CACNA1C: variants seen among roughly 807,000 people sequenced by gnomAD.
The protein encoded by CACNA1C is calcium voltage-gated channel subunit alpha1 C.
Under a neutral mutation model 229.0 loss-of-function variants are expected in CACNA1C, and 30 were observed. The ratio of observed to expected loss-of-function variants is 0.13; its 90% CI spans 0.10 to 0.18. CACNA1C has a LOEUF of 0.18. Among genes scored for constraint, CACNA1C ranks in the 10% least tolerant of loss-of-function variants. The pLI, the probability that CACNA1C is intolerant of heterozygous loss-of-function variation, is 1.00. For missense variants in CACNA1C, 1,658 were observed against 2,845.0 expected (o/e 0.58, Z 9.49); for synonymous variants, 1,114 against 1,132.5 (o/e 0.98, Z 0.33).
At chr12:2,089,582 G>A (rs1413614291) in intron 1 of CACNA1C, among the ~76,000 whole-genome samples, 1 of 152,212 alleles carries the variant, frequency 6.6e-6, no homozygotes, top group African/African-American at 2.4e-5. Context: ...CCCATCCGGG[G>A]CATGTTATGT....
At chr12:2,041,381 A>G (rs2050071832) in intron 1 of CACNA1C, among the ~76,000 whole-genome samples, 2 of 142,510 alleles carry the variant, frequency 1.4e-5, no homozygotes, top group South Asian at 4.3e-4. Context: ...GGTTCATGCC[A>G]TTCTCCCGCC....
At chr12:2,276,011 A>G (rs114021860) in intron 3 of CACNA1C, among the ~76,000 whole-genome samples, 204 of 152,288 alleles carry the variant, frequency 1.3e-3, no homozygotes, top group African/African-American at 4.7e-3. Flanking sequence ...TTATATGCAC[A>G]TACTACACCA....
chr12:2,323,476 C>T (rs549370040), intron 3 of CACNA1C, among the ~76,000 whole-genome samples: 5 of 152,076 alleles, frequency 3.3e-5, no homozygotes, highest in Non-Finnish European at 7.4e-5. Flanking sequence ...CGGTGAGTGT[C>T]GCCATCAGAA....
At chr12:2,426,802 G>A (rs1458979286) in intron 3 of CACNA1C, among the ~76,000 whole-genome samples, 1 of 152,182 alleles carries the variant, frequency 6.6e-6, no homozygotes. Context: ...TGGCTGGGAT[G>A]TCCTCTTTCC....
At chr12:2,238,417 G>C (rs1566599694) in intron 3 of CACNA1C, among the ~76,000 whole-genome samples, 3 of 152,176 alleles carry the variant, frequency 2.0e-5, no homozygotes, top group Non-Finnish European at 4.4e-5. Flanking sequence ...CTGCAGACTC[G>C]GAAGTTTCTC....
chr12:2,012,243 A>G (rs1008154878), intron 1 of CACNA1C, among the ~76,000 whole-genome samples: 3 of 152,196 alleles, frequency 2.0e-5, no homozygotes, highest in Non-Finnish European at 4.4e-5. Context: ...ATCTACTTCT[A>G]TAATGCTGAG....
At chr12:2,398,828 T>C (rs2154550373) in intron 3 of CACNA1C, among the ~76,000 whole-genome samples, 1 of 152,314 alleles carries the variant, frequency 6.6e-6, no homozygotes, top group Non-Finnish European at 1.5e-5. Context: ...TGACACCTTC[T>C]TACCTGGGGA....
intron 5 of CACNA1C, among the ~76,000 whole-genome samples, chr12:2,461,359 C>T (rs1369873618): frequency 2.0e-5 from 3 of 152,158 alleles, no homozygotes; most frequent in African/African-American, 2.4e-5. Flanking sequence ...GTTTCTTCTT[C>T]TTGGAATCCT....
chr12:2,234,557 G>T (rs573197750), intron 3 of CACNA1C, among the ~76,000 whole-genome samples: 1 of 152,314 alleles, frequency 6.6e-6, no homozygotes, highest in South Asian at 2.1e-4. Context: ...TGGAGCGTTC[G>T]CCCCAGCTTT....
In CACNA1C at chr12:2,504,030, TTCA is replaced by T. The variant is rs2099766278; in HGVS notation, c.1114-810_1114-808del. Among the ~76,000 whole-genome samples, 1 of 152,244 alleles carries T rather than the reference TTCA, an allele frequency of 6.6e-6. No individual in the cohort carries two copies. The highest frequency in any genetic ancestry group is 1.5e-5 in the Non-Finnish European group (1 of 68,042). On this transcript the variant is annotated intron_variant, in intron 7 of 46. Coordinates refer to ENST00000399655, the MANE Select transcript of CACNA1C (RefSeq NM_000719.7). This position sits in a 1 kb window ranked among gnomAD's most constrained non-coding sequence, Gnocchi z 6.8. ...GGCCTGTCAGCAGGAGCTGACGCACTTCATACACCAAGGTCAGGGGCCTCCGGG... is the reference window on the plus strand; with the variant it reads ...GGCCTGTCAGCAGGAGCTGACGCACTTACACCAAGGTCAGGGGCCTCCGGG...
At chr12:2,177,620 C>A (rs2096703701) in intron 3 of CACNA1C, among the ~76,000 whole-genome samples, 1 of 113,610 alleles carries the variant, frequency 8.8e-6, no homozygotes, top group Non-Finnish European at 1.8e-5. Flanking sequence ...TTCCTTCCTT[C>A]CTTCCTTCTC....
chr12:2,503,364 T>A (rs115206514), intron 7 of CACNA1C, among the ~76,000 whole-genome samples: 1 of 152,290 alleles, frequency 6.6e-6, no homozygotes, highest in South Asian at 2.1e-4. Flanking sequence ...CAAAGTTGGG[T>A]GCATTTTTAG....
intron 9 of CACNA1C, among the ~76,000 whole-genome samples, chr12:2,539,055 C>T (rs1317069409): frequency 6.6e-6 from 1 of 152,254 alleles, no homozygotes. Context: ...CTGCCATTTA[C>T]TAGCTCTCCC....
intron 13 of CACNA1C, among the ~76,000 whole-genome samples, chr12:2,577,616 C>T (rs942825572): frequency 1.3e-5 from 2 of 152,230 alleles, no homozygotes; most frequent in African/African-American, 4.8e-5. Flanking sequence ...CTTAAGTGCA[C>T]ACGCACACAA....
At chr12:2,296,212 T>C (rs777473177) in intron 3 of CACNA1C, among the ~76,000 whole-genome samples, 3 of 152,200 alleles carry the variant, frequency 2.0e-5, no homozygotes, top group Non-Finnish European at 4.4e-5. Flanking sequence ...TGATAGTCAC[T>C]CTGTTCTAAT....
chr12:2,683,034 A>G (rs1310900695), intron 43 of CACNA1C, among the ~76,000 whole-genome samples: 1 of 152,070 alleles, frequency 6.6e-6, no homozygotes, highest in East Asian at 1.9e-4. Flanking sequence ...CTCAGTATGC[A>G]CATACATATA....
At position 2,275,650 on chromosome 12, in the gene CACNA1C, T is replaced by A. The variant is rs1008522149; in HGVS notation, c.477+155220T>A. ...AGCACCACTGGATCTTTCCCCTCTCTCTGTGAGAAGACGGCCAGTCTCAGA... is the reference window on the plus strand; with the variant it reads ...AGCACCACTGGATCTTTCCCCTCTCACTGTGAGAAGACGGCCAGTCTCAGA... On this transcript the variant is annotated intron_variant, in intron 3 of 46. Transcript: ENST00000399655. This position sits in a 1 kb window ranked among gnomAD's most constrained non-coding sequence, Gnocchi z 4.1. 3.3e-5 allele frequency among the ~76,000 whole-genome samples: 5 copies of A among 150,876 alleles called. No homozygotes were observed. The highest frequency in any genetic ancestry group is 7.4e-5 in the Non-Finnish European group (5 of 68,020).
intron 42 of CACNA1C, chr12:2,681,989 GAGGGATTCAGGCTCAGC>G: frequency 1.2e-6 from 2 of 1,611,788 alleles, no homozygotes. Context: ...TGGAGCTCAG[GAGGGATTCAGGCTCAGC>G]AGGGACTCAG....
At chr12:2,178,428 A>G (rs539884059) in intron 3 of CACNA1C, among the ~76,000 whole-genome samples, 3 of 152,246 alleles carry the variant, frequency 2.0e-5, no homozygotes, top group African/African-American at 7.2e-5. Context: ...TGCATGTAGG[A>G]TTATGTTTTT....
Sources: gnomAD v4.1 joint callset for allele counts (sites outside exome capture counted in the v4.1 genomes callset) on GRCh38, gnomAD v4.1.1 for gene constraint, Gnocchi (gnomAD v3.1) non-coding constraint, MANE v1.5 for transcripts, NCBI Gene and HGNC (gene_info 2026-07-23, HGNC 2026-07-21) for gene names.